ADCK5: variants seen among roughly 807,000 people sequenced by gnomAD.
ADCK5 encodes uncharacterized aarF domain-containing protein kinase 5.
A neutral mutation model predicts 64.9 loss-of-function variants in ADCK5; 43 were observed. That is an observed-to-expected ratio of 0.66 (90% confidence interval 0.52 to 0.85). The LOEUF (loss-of-function observed/expected upper bound fraction) is 0.85, where lower values mean the gene tolerates loss of function less well. Ranked by LOEUF, ADCK5 falls within the 40% of genes least tolerant of loss-of-function variation. The pLI, the probability that ADCK5 is intolerant of heterozygous loss-of-function variation, is 0.00. For missense variants in ADCK5, 760 were observed against 810.5 expected (o/e 0.94, Z 0.76); for synonymous variants, 434 against 342.8 (o/e 1.27, Z -2.94).
In ADCK5 at chr8:144,392,078, G is replaced by C. The variant is rs781916323; in HGVS notation, c.1097-14G>C. The C allele has an allele frequency of 6.2e-7, 1 of 1,612,434 alleles. No homozygotes were observed. Reference sequence around the variant, plus strand: ...AGGGTGGGCGCAGCGCGACCTAAGAGGCTGTATCCCTAGTTCTGGTGCGGA... The same window carrying C: ...AGGGTGGGCGCAGCGCGACCTAAGACGCTGTATCCCTAGTTCTGGTGCGGA... On this transcript the variant is annotated splice_polypyrimidine_tract_variant and intron_variant, in intron 10 of 14. Coordinates refer to ENST00000308860, the MANE Select transcript of ADCK5 (RefSeq NM_174922.5).
intron 9 of ADCK5, 21 bp downstream of exon 9, chr8:144,391,887 G>T: frequency 6.3e-7 from 1 of 1,599,744 alleles, no homozygotes. Flanking sequence ...GGGGGCGGGG[G>T]CGGGTCAGGG....
At position 144,383,310 on chromosome 8, in the gene ADCK5, C is replaced by G; in HGVS notation, c.266+80C>G. On this transcript the variant is annotated intron_variant, in intron 3 of 14. Transcript: ENST00000308860. ...GGTGCAGGATTGCCTGCTCCAGATG[C>G]CTTCACAGACGAGGGGCGTGAGCCT... 3 of 1,446,124 alleles carry G rather than the reference C, an allele frequency of 2.1e-6. No individual in the cohort carries two copies. In the South Asian group the frequency reaches 4.4e-5, roughly 21 times the overall value. 89.6% of individuals were successfully genotyped at this position (1,446,124 alleles called of 1,614,324 possible).
chr8:144,391,697 GA>G lies in ADCK5; in HGVS notation c.917del (p.Asp306AlafsTer34). On this transcript the variant is annotated frameshift_variant, in exon 8 of 15. Coordinates refer to ENST00000308860, the MANE Select transcript of ADCK5 (RefSeq NM_174922.5). LOFTEE classifies it high-confidence loss of function. The stretch of plus-strand genomic sequence containing the variant: ...CGTCGTGGTGCCCCGCGTGCACTGG[GA>G]CAAGTCCAGCAAGGTGGGCTGGGCC... The part of the protein sequence containing the change: ...PYVVVPRVHW[D>X]KSSKRVLTAD... 1 of 1,540,150 alleles carries G rather than the reference GA, an allele frequency of 6.5e-7. No homozygotes were observed. The highest frequency in any genetic ancestry group is 1.2e-5 in the South Asian group (1 of 84,120).
rs1254258577 is a variant in ADCK5, at chr8:144,379,430, A to G, written c.56A>G (p.Gln19Arg). Residue 19 changes from glutamine to arginine, a missense_variant, in exon 2 of 15, where the codon CAG becomes CGG. By Grantham distance (43) the Gln-to-Arg change is conservative. Around this residue, in one of 2 missense-constraint regions of ADCK5, gnomAD observed 427 missense variants for 518.4 expected, o/e 0.82. Coordinates refer to ENST00000308860, the MANE Select transcript of ADCK5 (RefSeq NM_174922.5). ...CACTCTGCTCTGCTGCACAGCAGGCAGAAGCCCTGGCCGTCCCCTGCTGTG... is the reference window on the plus strand; with the variant it reads ...CACTCTGCTCTGCTGCACAGCAGGCGGAAGCCCTGGCCGTCCCCTGCTGTG... ...HFHSALLHSR[Q>R]KPWPSPAVFF... 7.5e-6 allele frequency: 12 copies of G among 1,610,456 alleles called. No individual in the cohort carries two copies. The highest frequency in any genetic ancestry group is 9.3e-6 in the Non-Finnish European group (11 of 1,178,198).
At chr8:144,381,389 T>G (rs1819628435) in intron 2 of ADCK5, among the ~76,000 whole-genome samples, 1 of 140,020 alleles carries the variant, frequency 7.1e-6, no homozygotes, top group Non-Finnish European at 1.5e-5. Context: ...AACAGATGTG[T>G]GCTCAGGCAC....
chr8:144,382,648 C>G (rs1157641779), intron 2 of ADCK5, among the ~76,000 whole-genome samples: 1 of 152,236 alleles, frequency 6.6e-6, no homozygotes, highest in Non-Finnish European at 1.5e-5. Context: ...CGACTCAGCA[C>G]GTGCCGACCG....
rs1243525995 is a variant in ADCK5, at chr8:144,388,568, T to G, written c.267-2103T>G. ...TCACGAGGTCGGGAGATCGAGACCA[T>G]CCTGGCCAACACGGTGAAACCCCAT... On this transcript the variant is annotated intron_variant, in intron 3 of 14. Transcript: ENST00000308860. 4.0e-4 allele frequency among the ~76,000 whole-genome samples: 60 copies of G among 151,478 alleles called. 1 individual carries two copies. The highest frequency in any genetic ancestry group is 1.6e-3 in the Admixed American group (25 of 15,218).
chr8:144,386,905 C>G (rs1415883172), intron 3 of ADCK5, among the ~76,000 whole-genome samples: 3 of 152,208 alleles, frequency 2.0e-5, no homozygotes, highest in Non-Finnish European at 4.4e-5. Context: ...AAAGGTCAGT[C>G]CTCTGTTTGG....
chr8:144,386,125 C>T (rs1370689655), intron 3 of ADCK5, among the ~76,000 whole-genome samples: 4 of 147,106 alleles, frequency 2.7e-5, no homozygotes, highest in South Asian at 2.3e-4. Flanking sequence ...TCTCATGCTT[C>T]GGCCTCCCGA....
rs1554860396 is a variant in ADCK5, at chr8:144,391,126, C to T, written c.544-8C>T. The stretch of plus-strand genomic sequence containing the variant: ...GCCCCAGGCTGCTCTGAGCACCTGT[C>T]CTTCCAGGTGGATGAGTTGTTCCTT... On this transcript the variant is annotated splice_region_variant and splice_polypyrimidine_tract_variant and intron_variant, in intron 5 of 14. Transcript: ENST00000308860. 3.1e-6 allele frequency: 5 copies of T among 1,610,600 alleles called. No homozygotes were observed.
rs144396697 is a variant in ADCK5 at position 144,391,648 on chromosome 8, G to T, written c.867G>T (p.Ala289=). 5 of 1,547,886 alleles carry T rather than the reference G, an allele frequency of 3.2e-6. No individual in the cohort carries two copies. In the African/African-American group the frequency reaches 5.4e-5, roughly 17 times the overall value. Residue 289 remains alanine (A), a synonymous_variant, in exon 8 of 15, where the codon GCG becomes GCT. Coordinates refer to ENST00000308860, the MANE Select transcript of ADCK5 (RefSeq NM_174922.5). ...AGGGCCGCAACGCAGAGCGCTGTGC[G>T]CGGGAGCTGGCGCACTTCCCCTACG... The part of the protein sequence containing the change: ...ENEGRNAERC[A]RELAHFPYVV...
rs969529995 is a variant in ADCK5, at chr8:144,392,238, G to C, written c.1176-16G>C. 1.9e-6 allele frequency: 3 copies of C among 1,542,646 alleles called. No individual in the cohort carries two copies. The highest frequency in any genetic ancestry group is 1.4e-5 in the African/African-American group (1 of 73,246). ...TGCCGCAGGGAGCTCATGGCTGCGG[G>C]CCCATCCACACCCAGGGACCGCGCA... On this transcript the variant is annotated splice_polypyrimidine_tract_variant and intron_variant, in intron 11 of 14. Transcript: ENST00000308860.
At chr8:144,389,421 C>T in intron 3 of ADCK5, 1 of 453,658 alleles carries the variant, frequency 2.2e-6, no homozygotes, top group Non-Finnish European at 4.4e-6. Context: ...GCCTTGGAAC[C>T]CCATCTCTCC....
intron 1 of ADCK5, among the ~76,000 whole-genome samples, chr8:144,375,141 C>CA (rs1819312950): frequency 6.6e-6 from 1 of 152,252 alleles, no homozygotes; most frequent in African/African-American, 2.4e-5. Context: ...TTCCAGGTGA[C>CA]AAAGTCTTCC....
At chr8:144,377,975 G>C (rs1819438271) in intron 1 of ADCK5, among the ~76,000 whole-genome samples, 1 of 152,184 alleles carries the variant, frequency 6.6e-6, no homozygotes, top group African/African-American at 2.4e-5. Flanking sequence ...GAGAGTGCAG[G>C]GGCAGGGATG....
chr8:144,392,874 A>G lies in ADCK5; in HGVS notation c.1619A>G (p.Lys540Arg), dbSNP rs1249319035. Residue 540 changes from lysine (K) to arginine (R), a missense_variant, in exon 14 of 15, where the codon AAG becomes AGG. Physicochemically the swap from Lys to Arg is conservative, Grantham distance 26. This residue lies in a region of ADCK5 where 333 missense variants were observed against 292.0 expected (regional missense o/e 1.14). Transcript: ENST00000308860. ...GCCAAGGTCGTCTGGGAGATGCTCA[A>G]GTTTGAAGTGGCGCTCAGGTGAGTG... ...RHAKVVWEML[K>R]FEVALRLETL... 2 of 1,601,782 alleles carry G rather than the reference A, an allele frequency of 1.2e-6. No individual in the cohort carries two copies. Among genetic ancestry groups the G allele is most frequent in the Non-Finnish European group, 1.7e-6 (2 of 1,177,106 alleles).
At chr8:144,387,882 G>A (rs1464665327) in intron 3 of ADCK5, among the ~76,000 whole-genome samples, 5 of 151,538 alleles carry the variant, frequency 3.3e-5, no homozygotes, top group South Asian at 2.1e-4. Context: ...ACAGGCACAC[G>A]CCACCACACC....
At chr8:144,391,740 C>T (rs1301256108) in intron 8 of ADCK5, 29 bp downstream of exon 8, 12 of 1,538,274 alleles carry the variant, frequency 7.8e-6, no homozygotes, top group East Asian at 2.4e-5. Context: ...TTGGGGTGGG[C>T]ACAGCGCTGG....
In ADCK5 at chr8:144,391,447, C is replaced by T. The variant is rs782150906; in HGVS notation, c.771C>T (p.Pro257=). The T allele has an allele frequency of 6.2e-7, 1 of 1,612,170 alleles. No individual in the cohort carries two copies. Among genetic ancestry groups the T allele is most frequent in the African/African-American group, 1.3e-5 (1 of 74,944 alleles). ...TGCGGCTCGTTGAGGTCATGCACCC[C>T]AGCTTTGGCTTCAGCTGGGTCCTCC... is the stretch of plus-strand genomic sequence containing the variant. ...LLLRLVEVMH[P]SFGFSWVLQD... Residue 257 remains proline (P), a synonymous_variant, in exon 7 of 15, where the codon CCC becomes CCT. Transcript: ENST00000308860.
Sources: gnomAD v4.1 joint callset for allele counts (sites outside exome capture counted in the v4.1 genomes callset) on GRCh38, gnomAD v4.1.1 for gene constraint, gnomAD v4.1.1 regional missense constraint, MANE v1.5 for transcripts, NCBI Gene and HGNC (gene_info 2026-07-23, HGNC 2026-07-21) for gene names.